INTS1: variants seen among roughly 807,000 people sequenced by gnomAD.
INTS1 encodes the protein integrator complex subunit 1.
INTS1 carries 137 observed loss-of-function variants against 241.6 expected under a neutral mutation model. That is an observed-to-expected ratio of 0.57 (90% CI 0.49 to 0.65). The LOEUF (loss-of-function observed/expected upper bound fraction) is 0.65, where lower values mean the gene tolerates loss of function less well. Ranked by LOEUF, INTS1 falls within the 30% of genes least tolerant of loss-of-function variation. INTS1 has a pLI of 0.00. For synonymous variants in INTS1, 1,692 were observed against 1,337.8 expected (o/e 1.26, Z -5.78); for missense variants, 3,073 against 3,032.2 (o/e 1.01, Z -0.32).
Position 1,474,178 on chromosome 7 carries a change from C to T in INTS1, c.5819G>A (p.Arg1940His), listed in dbSNP as rs763408413. ...GGCGGGAGCACACACCAGCAGCAGG[C>T]GGATGAAGGACAGAAGGCAGTCCCA... ...ALWDCLLSFI[R>H]LLLNYRKSSR... is the part of the protein sequence containing the mutation. Residue 1940 changes from arginine to histidine, a missense_variant, in exon 41 of 48, where the codon CGC (arginine) becomes CAC (histidine). Transcript: ENST00000404767. 1.1e-5 allele frequency: 17 copies of T among 1,568,766 alleles called. No individual in the cohort carries two copies. Among genetic ancestry groups the T allele is most frequent in the African/African-American group, 1.3e-5 (1 of 74,144 alleles).
In INTS1 at chr7:1,489,637, G is replaced by C. The variant is rs767075759; in HGVS notation, c.2211C>G (p.Ala737=). The C allele has an allele frequency of 6.3e-7, 1 of 1,590,898 alleles. No individual in the cohort carries two copies. The highest frequency in any genetic ancestry group is 1.1e-5 in the South Asian group (1 of 87,778). Reference sequence around the variant, plus strand: ...CGGCGACGACCAGCAGGAGGGGCCAGGCCTTCCAGTAGAGGGTAGAGATGG... The same window carrying C: ...CGGCGACGACCAGCAGGAGGGGCCACGCCTTCCAGTAGAGGGTAGAGATGG... ...NLAISTLYWK[A]WPLLLVVAAF... Residue 737 remains alanine (A), a synonymous_variant, in exon 17 of 48, where the codon GCC becomes GCG. Transcript: ENST00000404767.
Position 1,499,511 on chromosome 7 carries a change from T to C in INTS1, c.806A>G (p.Gln269Arg). ...GCCCGCAACGCGGCCCGCCTCCCCC[T>C]GCAGCAGCACGCTCCTGGGGGGCAT... is the stretch of plus-strand genomic sequence containing the variant. ...TRMPPRSVLL[Q>R]GEAGRVAGDL... Residue 269 changes from glutamine to arginine, a missense_variant, in exon 6 of 48, where the codon CAG becomes CGG. Physicochemically the swap from Gln to Arg is conservative, Grantham distance 43 (BLOSUM62 1). Coordinates refer to ENST00000404767, the MANE Select transcript of INTS1 (RefSeq NM_001080453.3). 1 of 1,602,530 alleles carries C rather than the reference T, an allele frequency of 6.2e-7. No homozygotes were observed. The highest frequency in any genetic ancestry group is 1.1e-5 in the South Asian group (1 of 90,608).
intron 3 of INTS1, among the ~76,000 whole-genome samples, 155 bp from the exon 4 acceptor site, chr7:1,500,521 A>G (rs1324130807): frequency 6.6e-6 from 1 of 152,114 alleles, no homozygotes; most frequent in Non-Finnish European, 1.5e-5. Flanking sequence ...ACAGCGGACA[A>G]GCACCCCACC....
chr7:1,503,781 T>C, intron 2 of INTS1, 122 bp downstream of exon 2: 1 of 723,282 alleles, frequency 1.4e-6, no homozygotes, highest in Non-Finnish European at 2.3e-6. Context: ...ACCGAATTCC[T>C]GGAAACAGCC....
Position 1,487,795 on chromosome 7 carries a change from G to A in INTS1, c.2481C>T (p.Ser827=). 6.2e-7 allele frequency: 1 copy of A among 1,611,438 alleles called. No homozygotes were observed. Among genetic ancestry groups the A allele is most frequent in the Non-Finnish European group, 8.5e-7 (1 of 1,179,810 alleles). ...GGCTGGTGAGCTGCGACAGGAGGAG[G>A]CTGCTGCTCTCAGTGATGGTCTGCT... is the stretch of plus-strand genomic sequence containing the variant. The part of the protein sequence containing the change: ...STKQTITESS[S]LLLSQLTSLD... The change falls in exon 19 of 48, where the codon AGC becomes AGT. Residue 827 remains serine, a synonymous_variant. Transcript: ENST00000404767.
Position 1,484,019 on chromosome 7 carries a change from T to C in INTS1, c.3413A>G (p.Glu1138Gly). 1 of 1,609,344 alleles carries C rather than the reference T, an allele frequency of 6.2e-7. No homozygotes were observed. The highest frequency in any genetic ancestry group is 8.5e-7 in the Non-Finnish European group (1 of 1,178,068). The part of the protein sequence containing the change: ...VRRMRQSKEG[E>G]EVYSWSESQD... ...CGCCCTCACCCAGCTGTAGACCTCC[T>C]CGCCCTCCTTGCTCTGCCGCATGCG... is the stretch of plus-strand genomic sequence containing the variant. The change falls in exon 25 of 48, where the codon GAG becomes GGG. Residue 1138 changes from glutamate (E) to glycine (G), a missense_variant. Glu to Gly is a moderately conservative substitution (Grantham distance 98). Transcript: ENST00000404767.
At position 1,498,775 on chromosome 7, in the gene INTS1, G is replaced by A. The variant is rs202020743; in HGVS notation, c.1215C>T (p.Val405=). ...GGCGGATCTTGATCAGGTGTGAGAT[G>A]ACGTCCATGTCTTCGGAACCGTGCG... ...CNTHGSEDMD[V]ISHLIKIRLK... The change falls in exon 9 of 48, where the codon GTC becomes GTT. Residue 405 remains valine (V), a synonymous_variant. Coordinates refer to ENST00000404767, the MANE Select transcript of INTS1 (RefSeq NM_001080453.3). 11 of 1,590,278 alleles carry A rather than the reference G, an allele frequency of 6.9e-6. 1 individual carries two copies. The African/African-American group carries it at 1.1e-4, about 16-fold the overall frequency.
intron 44 of INTS1, among the ~76,000 whole-genome samples, chr7:1,471,952 C>T (rs985522015): frequency 6.6e-6 from 1 of 152,220 alleles, no homozygotes; most frequent in African/African-American, 2.4e-5. Flanking sequence ...TGTCCTCTGA[C>T]AGCGGCCACC....
chr7:1,479,596 A>G lies in INTS1; in HGVS notation c.4163T>C (p.Leu1388Pro). ...GGGGCTGCCCTGGACGACGCGGGCC[A>G]GCTCCTGGCCCAGGGCCTGCTGCAG... The part of the protein sequence containing the change: ...LALQQALGQE[L>P]ARVVQGSPEV... Residue 1388 changes from leucine to proline, a missense_variant, in exon 31 of 48, where the codon CTG becomes CCG. Physicochemically the swap from Leu to Pro is moderately conservative, Grantham distance 98 (BLOSUM62 -3). Coordinates refer to ENST00000404767, the MANE Select transcript of INTS1 (RefSeq NM_001080453.3). The G allele has an allele frequency of 6.5e-7, 1 of 1,537,776 alleles. No individual in the cohort carries two copies.
Position 1,493,161 on chromosome 7 carries a change from A to G in INTS1, c.2069-55T>C. The G allele has an allele frequency of 1.6e-6, 2 of 1,271,530 alleles. No individual in the cohort carries two copies. The highest frequency in any genetic ancestry group is 2.2e-6 in the Non-Finnish European group (2 of 915,050). 78.8% of individuals were successfully genotyped at this position (1,271,530 alleles called of 1,614,324 possible). ...GGGCTGCTCACAGACCATCAGGCACAGGCAGCGAGGGAACCGGCCCTGCTC... is the reference window on the plus strand; with the variant it reads ...GGGCTGCTCACAGACCATCAGGCACGGGCAGCGAGGGAACCGGCCCTGCTC... On this transcript the variant is annotated intron_variant, in intron 15 of 47. Transcript: ENST00000404767. This position sits in a 1 kb window ranked among gnomAD's most constrained non-coding sequence, Gnocchi z 5.3.
intron 3 of INTS1, among the ~76,000 whole-genome samples, chr7:1,502,649 T>C (rs1486577369): frequency 6.6e-6 from 1 of 152,088 alleles, no homozygotes; most frequent in East Asian, 1.9e-4. Flanking sequence ...AACAGACACA[T>C]GAGACAAACA....
Position 1,481,049 on chromosome 7 carries a change from G to A in INTS1, c.3851-116C>T. On this transcript the variant is annotated intron_variant, in intron 28 of 47. Transcript: ENST00000404767. This position sits in a 1 kb window ranked among gnomAD's most constrained non-coding sequence, Gnocchi z 6.8. Reference sequence around the variant, plus strand: ...CCCACCGTCACCAGCACTTCCCAAGGACTTCAGAAGCTGGGTGAGCTCAGT... The same window carrying A: ...CCCACCGTCACCAGCACTTCCCAAGAACTTCAGAAGCTGGGTGAGCTCAGT... 5.1e-6 allele frequency: 4 copies of A among 780,042 alleles called. No individual in the cohort carries two copies. Among genetic ancestry groups the A allele is most frequent in the South Asian group, 5.0e-5 (3 of 60,492 alleles). 48.3% of individuals were successfully genotyped at this position (780,042 alleles called of 1,614,324 possible). A position where few individuals can be genotyped will look rare whatever the true frequency, so the allele number is the denominator to read the frequency against.
intron 42 of INTS1, 129 bp from the exon 43 acceptor site, chr7:1,473,313 G>A: frequency 2.8e-6 from 2 of 717,240 alleles, no homozygotes; most frequent in South Asian, 1.8e-5. Context: ...ACGCTCAGAG[G>A]GAGGGCCGGG....
chr7:1,492,375 A>C (rs556144962), intron 16 of INTS1, among the ~76,000 whole-genome samples: 7 of 152,220 alleles, frequency 4.6e-5, no homozygotes, highest in African/African-American at 1.4e-4. Flanking sequence ...ATTTACAGAA[A>C]ACACCCAAAA....
At chr7:1,487,234 C>T in intron 20 of INTS1, 86 bp downstream of exon 20, 1 of 1,518,606 alleles carries the variant, frequency 6.6e-7, no homozygotes, top group East Asian at 2.5e-5. Context: ...CAGGTGTGTC[C>T]TGCCCTCTTC....
Position 1,484,098 on chromosome 7 carries a change from C to T in INTS1, c.3334G>A (p.Ala1112Thr), listed in dbSNP as rs778203589. 1.4e-5 allele frequency: 23 copies of T among 1,612,396 alleles called. No homozygotes were observed. Among genetic ancestry groups the T allele is most frequent in the East Asian group, 2.2e-5 (1 of 44,880 alleles). ...HLFSKLSPSA[A>T]SDAVLSALLS... ...AGAGCGCTCAGCACGGCGTCCGACG[C>T]GGCACTCGGGGAGAGCTTCGAGAAG... The change falls in exon 25 of 48, where the codon GCG (alanine) becomes ACG (threonine). Residue 1112 changes from alanine (A) to threonine (T), a missense_variant. Physicochemically the swap from Ala to Thr is moderately conservative, Grantham distance 58. Transcript: ENST00000404767.
chr7:1,502,290 G>A (rs1302311778), intron 3 of INTS1, among the ~76,000 whole-genome samples: 1 of 152,144 alleles, frequency 6.6e-6, no homozygotes, highest in Non-Finnish European at 1.5e-5. Context: ...CGACTCCCAG[G>A]GAGTCACGGA....
At chr7:1,499,387 C>A (rs778588497) in intron 6 of INTS1, 27 bp from the exon 7 acceptor site, 3 of 1,559,210 alleles carry the variant, frequency 1.9e-6, no homozygotes, top group Non-Finnish European at 2.6e-6. Context: ...GGGCTCCATG[C>A]AGCGCCTCCC....
chr7:1,491,836 T>C (rs1262305205), intron 16 of INTS1, among the ~76,000 whole-genome samples: 1 of 152,222 alleles, frequency 6.6e-6, no homozygotes, highest in Non-Finnish European at 1.5e-5. Flanking sequence ...AGGTTGAGGC[T>C]GCAGTGAACC....
Sources: allele counts gnomAD v4.1 joint callset (sites outside exome capture counted in the v4.1 genomes callset), GRCh38; gene constraint gnomAD v4.1.1; non-coding constraint Gnocchi (gnomAD v3.1); transcripts MANE v1.5; gene names NCBI Gene and HGNC (gene_info 2026-07-23, HGNC 2026-07-21).